Variants in KIFC3 observed in about 807,000 individuals in gnomAD.
KIFC3 encodes the protein kinesin-like protein KIFC3.
KIFC3 carries 60 observed loss-of-function variants against 101.8 expected under a neutral mutation model. That is an observed-to-expected ratio of 0.59 (90% CI 0.48 to 0.73). The LOEUF (loss-of-function observed/expected upper bound fraction) is 0.73. Among genes scored for constraint, KIFC3 ranks in the 30% least tolerant of loss-of-function variants. The pLI is 0.00. For synonymous variants in KIFC3, 476 were observed against 482.7 expected (o/e 0.99, Z 0.18); for missense variants, 966 against 1,137.1 (o/e 0.85, Z 2.16).
intron 1 of KIFC3, among the ~76,000 whole-genome samples, chr16:57,817,545 G>A (rs548854646): frequency 1.3e-5 from 2 of 152,132 alleles, no homozygotes; most frequent in South Asian, 2.1e-4. Context: ...AGTGCACCTC[G>A]GCTTATGGGC....
intron 18 of KIFC3, 97 bp from the exon 19 acceptor site, chr16:57,759,250 G>T: frequency 7.1e-7 from 1 of 1,407,708 alleles, no homozygotes; most frequent in Non-Finnish European, 9.8e-7. Flanking sequence ...TCAAGGATGG[G>T]CCAGGCCCTC....
At chr16:57,818,337 C>T (rs1249881581) in intron 1 of KIFC3, among the ~76,000 whole-genome samples, 1 of 152,086 alleles carries the variant, frequency 6.6e-6, no homozygotes, top group Non-Finnish European at 1.5e-5. Context: ...TTAACGTATC[C>T]ATGGTCATAT....
chr16:57,854,628 A>AG (rs1491464686), intron 1 of KIFC3, among the ~76,000 whole-genome samples: 3 of 80,572 alleles, frequency 3.7e-5, no homozygotes, highest in Admixed American at 1.2e-4. Context: ...ACTCCGTCTC[A>AG]GAAAAAAAAA....
At chr16:57,845,815 C>T (rs1191739809) in intron 1 of KIFC3, among the ~76,000 whole-genome samples, 2 of 152,092 alleles carry the variant, frequency 1.3e-5, no homozygotes, top group Non-Finnish European at 2.9e-5. Flanking sequence ...ATTTTTGTGC[C>T]TGTTATTTAT....
In KIFC3 at chr16:57,780,982, A is replaced by G. The variant is rs374105759; in HGVS notation, c.316-8694T>C. The stretch of plus-strand genomic sequence containing the variant: ...GAGCCACCACACCTGGCCTGAAAAC[A>G]ATTTTTTAAGGTTCACTCTTGAGGT... On this transcript the variant is annotated intron_variant, in intron 3 of 19. Coordinates refer to ENST00000445690, the MANE Select transcript of KIFC3 (RefSeq NM_001130100.2). Among the ~76,000 whole-genome samples the G allele has an allele frequency of 2.7e-4, 41 of 151,656 alleles. No individual in the cohort carries two copies. The South Asian group carries it at 8.6e-3, about 32-fold the overall frequency.
chr16:57,778,672 T>C (rs2052395109), intron 3 of KIFC3, among the ~76,000 whole-genome samples: 1 of 152,246 alleles, frequency 6.6e-6, no homozygotes, highest in African/African-American at 2.4e-5. Flanking sequence ...CATGAAAAGA[T>C]ATTTAATATC....
chr16:57,837,895 C>T (rs1266153203), intron 1 of KIFC3, among the ~76,000 whole-genome samples: 1 of 152,122 alleles, frequency 6.6e-6, no homozygotes, highest in Non-Finnish European at 1.5e-5. Flanking sequence ...GGATGGGATG[C>T]TGAGGCTCAA....
At position 57,774,787 on chromosome 16, in the gene KIFC3, A is replaced by G. The variant is rs181808744; in HGVS notation, c.316-2499T>C. On this transcript the variant is annotated intron_variant, in intron 3 of 19. Coordinates refer to ENST00000445690, the MANE Select transcript of KIFC3 (RefSeq NM_001130100.2). ...AGCAGTCTTCCCGCCTCAGCCTCCCAAAGTGCTGGGATTACCGTTGTGAGC... is the reference window on the plus strand; with the variant it reads ...AGCAGTCTTCCCGCCTCAGCCTCCCGAAGTGCTGGGATTACCGTTGTGAGC... The G allele has an allele frequency of 9.9e-5, 98 of 993,566 alleles. 1 individual carries two copies. The African/African-American group carries it at 1.4e-3, about 14-fold the overall frequency. 61.5% of individuals were successfully genotyped at this position (993,566 alleles called of 1,614,324 possible). A position where few individuals can be genotyped will look rare whatever the true frequency, so the allele number is the denominator to read the frequency against.
chr16:57,763,801 A>G (rs1253732766), intron 12 of KIFC3, among the ~76,000 whole-genome samples: 1 of 152,142 alleles, frequency 6.6e-6, no homozygotes, highest in African/African-American at 2.4e-5. Context: ...GCGGTAAAGC[A>G]GGAGTGTGCA....
intron 3 of KIFC3, chr16:57,777,223 C>T (rs2052207948): frequency 6.6e-6 from 1 of 152,170 alleles, no homozygotes. Flanking sequence ...GAAAGACATT[C>T]CATGTTCATG....
At chr16:57,796,247 A>T (rs767918075) in intron 2 of KIFC3, among the ~76,000 whole-genome samples, 12 of 152,150 alleles carry the variant, frequency 7.9e-5, no homozygotes, top group Non-Finnish European at 1.5e-4. Context: ...GGACAACTTC[A>T]CAGCCCTGTG....
At chr16:57,850,714 G>C (rs184476289) in intron 1 of KIFC3, among the ~76,000 whole-genome samples, 1 of 151,906 alleles carries the variant, frequency 6.6e-6, no homozygotes, top group Admixed American at 6.6e-5. Context: ...GACCTCAGGT[G>C]ACCCACCCGC....
chr16:57,859,163 T>C (rs574571101), intron 1 of KIFC3, among the ~76,000 whole-genome samples: 22 of 152,346 alleles, frequency 1.4e-4, no homozygotes, highest in African/African-American at 5.3e-4. Flanking sequence ...AGAAAGTATT[T>C]GAACAGTTTC....
In KIFC3 at chr16:57,824,778, T is replaced by G. The variant is rs185877796; in HGVS notation, c.109-26496A>C. The stretch of plus-strand genomic sequence containing the variant: ...GGCCCTGTAGGTGCAATGAACAAGG[T>G]GGGGAGGCCAGCCCTGCACCCCCGG... On this transcript the variant is annotated intron_variant, in intron 1 of 2. Transcript: ENST00000563028. Among the ~76,000 whole-genome samples, 431 of 152,220 alleles carry G rather than the reference T, an allele frequency of 2.8e-3. 1 individual carries two copies. The highest frequency in any genetic ancestry group is 4.7e-3 in the Non-Finnish European group (320 of 68,002).
chr16:57,811,797 AC>A (rs1441597735), intron 1 of KIFC3, among the ~76,000 whole-genome samples: 55 of 150,986 alleles, frequency 3.6e-4, no homozygotes, highest in Middle Eastern at 3.4e-3. Context: ...AAGCTTGTAA[AC>A]CCAGCTACTT....
At chr16:57,762,631 A>G (rs2050000137) in intron 12 of KIFC3, among the ~76,000 whole-genome samples, 1 of 152,046 alleles carries the variant, frequency 6.6e-6, no homozygotes. Context: ...CTGCCCAGAA[A>G]GGCGCTCAGT....
chr16:57,835,751 A>G (rs1362071551), intron 1 of KIFC3, among the ~76,000 whole-genome samples: 10 of 152,138 alleles, frequency 6.6e-5, no homozygotes, highest in Admixed American at 6.6e-4. Context: ...GGAGTTCAAG[A>G]CCAGCCTGGC....
chr16:57,775,143 C>A (rs2051876402), intron 3 of KIFC3: 2 of 1,371,942 alleles, frequency 1.5e-6, no homozygotes, highest in Admixed American at 3.5e-5. Context: ...AACCTGGGGG[C>A]TCCTGGGCTC....
Position 57,769,506 on chromosome 16 carries a change from G to T in KIFC3, c.1218+89C>A. On this transcript the variant is annotated intron_variant, in intron 9 of 19. Transcript: ENST00000445690. The surrounding 1 kb of genome is among the most constrained non-coding windows in gnomAD (Gnocchi z 4.3). Reference sequence around the variant, plus strand: ...GGCTGCTGTCTGAGCGGCTTTGTCTGAGCTTTGGAGGGACGCCCTGAGTGG... The same window carrying T: ...GGCTGCTGTCTGAGCGGCTTTGTCTTAGCTTTGGAGGGACGCCCTGAGTGG... 6.6e-7 allele frequency: 1 copy of T among 1,503,892 alleles called. No homozygotes were observed. The highest frequency in any genetic ancestry group is 1.3e-5 in the South Asian group (1 of 78,506). 93.2% of individuals were successfully genotyped at this position (1,503,892 alleles called of 1,614,324 possible).
Sources: allele counts gnomAD v4.1 joint callset (sites outside exome capture counted in the v4.1 genomes callset), GRCh38; gene constraint gnomAD v4.1.1; non-coding constraint Gnocchi (gnomAD v3.1); transcripts MANE v1.5; gene names NCBI Gene and HGNC (gene_info 2026-07-23, HGNC 2026-07-21).